Variants in TESC observed in about 807,000 individuals in gnomAD.
TESC encodes the protein calcineurin B homologous protein 3.
In TESC, 19 loss-of-function variants were observed where a neutral mutation model predicts 31.0. The ratio of observed to expected loss-of-function variants is 0.61; its 90% CI spans 0.43 to 0.90. The LOEUF (loss-of-function observed/expected upper bound fraction) is 0.90, where lower values mean the gene tolerates loss of function less well. Among genes scored for constraint, TESC ranks in the 40% least tolerant of loss-of-function variants. The probability of loss-of-function intolerance (pLI) is 0.00; values close to 1 mark genes in which losing one functional copy is unlikely to be tolerated. For missense variants in TESC, 248 were observed against 303.8 expected (o/e 0.82, Z 1.36); for synonymous variants, 109 against 114.8 (o/e 0.95, Z 0.32).
chr12:117,044,898 G>T (rs1377564784), intron 6 of TESC, among the ~76,000 whole-genome samples: 1 of 138,660 alleles, frequency 7.2e-6, no homozygotes, highest in East Asian at 2.2e-4. Context: ...CTTGGTCTCG[G>T]GAAAAAAAGA....
At chr12:117,090,779 G>T (rs760140893) in intron 1 of TESC, among the ~76,000 whole-genome samples, 24 of 152,342 alleles carry the variant, frequency 1.6e-4, no homozygotes, top group Non-Finnish European at 2.9e-4. Flanking sequence ...GGTGGGTGAG[G>T]CCTGCAAAGT....
intron 7 of TESC, among the ~76,000 whole-genome samples, chr12:117,041,203 G>A (rs977384018): frequency 1.3e-5 from 2 of 152,200 alleles, no homozygotes; most frequent in African/African-American, 4.8e-5. Context: ...GCCGCTTTAC[G>A]AAAGTGTCAT....
At chr12:117,072,148 C>T (rs1565969700) in intron 2 of TESC, among the ~76,000 whole-genome samples, 1 of 152,320 alleles carries the variant, frequency 6.6e-6, no homozygotes, top group East Asian at 1.9e-4. Flanking sequence ...CCTCCTCACA[C>T]AGCACCTGGG....
intron 2 of TESC, among the ~76,000 whole-genome samples, chr12:117,057,168 T>C (rs1028190725): frequency 5.3e-5 from 8 of 152,216 alleles, no homozygotes; most frequent in African/African-American, 1.9e-4. Flanking sequence ...GGTGCGATCA[T>C]AGCTCGCTGC....
At chr12:117,060,559 G>A (rs755868880) in intron 2 of TESC, among the ~76,000 whole-genome samples, 1 of 152,100 alleles carries the variant, frequency 6.6e-6, no homozygotes, top group South Asian at 2.1e-4. Context: ...AATCACGATC[G>A]GATGACAATG....
intron 2 of TESC, among the ~76,000 whole-genome samples, chr12:117,070,314 C>A (rs1954949065): frequency 6.6e-6 from 1 of 152,146 alleles, no homozygotes; most frequent in Non-Finnish European, 1.5e-5. Flanking sequence ...CTTCTCTAGG[C>A]CCTGGAGGGT....
chr12:117,089,509 T>G (rs11068326), intron 1 of TESC, among the ~76,000 whole-genome samples: 18 of 152,072 alleles, frequency 1.2e-4, no homozygotes, highest in African/African-American at 4.1e-4. Flanking sequence ...AGAGACTATA[T>G]AGTAGGCTTT....
intron 4 of TESC, 29 bp from the exon 5 acceptor site, chr12:117,046,867 C>T (rs763420506): frequency 5.8e-5 from 90 of 1,552,014 alleles, no homozygotes; most frequent in Middle Eastern, 3.3e-4. Context: ...GAGGGGACTC[C>T]GTCAGGCGGG....
At chr12:117,066,288 C>T (rs1048118882) in intron 2 of TESC, among the ~76,000 whole-genome samples, 2 of 142,940 alleles carry the variant, frequency 1.4e-5, no homozygotes, top group Middle Eastern at 3.7e-3. Context: ...CTCACTGCAG[C>T]CTTCACCTCC....
intron 3 of TESC, among the ~76,000 whole-genome samples, chr12:117,056,319 A>G (rs1270082806): frequency 6.6e-6 from 1 of 152,192 alleles, no homozygotes; most frequent in Non-Finnish European, 1.5e-5. Context: ...GGCCTCCCAA[A>G]GTGCTGGGAT....
At chr12:117,044,472 T>G (rs11068300) in intron 6 of TESC, among the ~76,000 whole-genome samples, 1 of 151,958 alleles carries the variant, frequency 6.6e-6, no homozygotes, top group Non-Finnish European at 1.5e-5. Flanking sequence ...GGCCAGAGTC[T>G]GGGGCTGGAA....
chr12:117,048,875 A>T, intron 4 of TESC, 144 bp downstream of exon 4: 1 of 1,273,940 alleles, frequency 7.8e-7, no homozygotes, highest in Non-Finnish European at 1.1e-6. Flanking sequence ...CCTCACAGGG[A>T]CGAGGGCTGG....
At chr12:117,058,120 T>C (rs1205804583) in intron 2 of TESC, among the ~76,000 whole-genome samples, 1 of 152,046 alleles carries the variant, frequency 6.6e-6, no homozygotes, top group East Asian at 1.9e-4. Flanking sequence ...CTTGGGAACC[T>C]CAGACACAAG....
At chr12:117,053,073 G>T (rs1006900949) in intron 3 of TESC, among the ~76,000 whole-genome samples, 41 of 152,144 alleles carry the variant, frequency 2.7e-4, no homozygotes, top group African/African-American at 9.4e-4. Flanking sequence ...CCACAGGCCC[G>T]TCGCGCCTGG....
At chr12:117,042,063 T>C in intron 6 of TESC, 69 bp from the exon 7 acceptor site, 1 of 1,475,300 alleles carries the variant, frequency 6.8e-7, no homozygotes, top group Non-Finnish European at 9.2e-7. Flanking sequence ...AGGGGGACGG[T>C]CCACTGGCCT....
At chr12:117,042,136 G>A (rs1326570537) in intron 6 of TESC, 142 bp from the exon 7 acceptor site, 1 of 826,852 alleles carries the variant, frequency 1.2e-6, no homozygotes, top group Admixed American at 2.5e-5. Context: ...CACAAGAAGA[G>A]GAGAACGTTC....
intron 1 of TESC, among the ~76,000 whole-genome samples, chr12:117,075,903 A>ATGTATG (rs1401695484): frequency 2.4e-5 from 2 of 82,760 alleles, no homozygotes; most frequent in African/African-American, 1.7e-4. Flanking sequence ...ATATATATAT[A>ATGTATG]TATATATATA....
chr12:117,040,212 T>C (rs533028336), intron 7 of TESC, among the ~76,000 whole-genome samples: 50 of 152,280 alleles, frequency 3.3e-4, no homozygotes, highest in Admixed American at 6.5e-4. Context: ...CTGGGTGTCA[T>C]GGGGTGTGCA....
At chr12:117,046,431 GC>G (rs1158844621) in intron 6 of TESC, 127 bp downstream of exon 6, 15 of 909,490 alleles carry the variant, frequency 1.6e-5, no homozygotes, top group African/African-American at 3.4e-5. Context: ...AGGTTCCTGA[GC>G]CCCACAGGCC....
Sources: gnomAD v4.1 joint callset for allele counts (sites outside exome capture counted in the v4.1 genomes callset) on GRCh38, gnomAD v4.1.1 for gene constraint, MANE v1.5 for transcripts, NCBI Gene and HGNC (gene_info 2026-07-23, HGNC 2026-07-21) for gene names.